Variants in COL4A2 observed in about 807,000 individuals in gnomAD.
COL4A2 encodes the protein collagen type IV alpha 2 chain, also known as collagen alpha-2(IV) chain.
A neutral mutation model predicts 200.2 loss-of-function variants in COL4A2; 99 were observed. That is an observed-to-expected ratio of 0.49 (90% CI 0.42 to 0.58). The LOEUF is 0.58. Among genes scored for constraint, COL4A2 ranks in the 20% least tolerant of loss-of-function variants. The pLI is 0.00. For synonymous variants in COL4A2, 897 were observed against 900.6 expected (o/e 1.00, Z 0.07); for missense variants, 1,950 against 2,314.1 (o/e 0.84, Z 3.23).
In COL4A2 at chr13:110,450,508, G is replaced by A. The variant is rs554346522; in HGVS notation, c.1339+54G>A. The A allele has an allele frequency of 3.3e-5, 52 of 1,589,710 alleles. 1 individual carries two copies. Among genetic ancestry groups the A allele is most frequent in the East Asian group, 2.2e-4 (10 of 44,532 alleles). ...GTAGCCTAATGTTCAGATGAAGCCC[G>A]GTCCCAGCCGGATGTTATTTGGGAT... On this transcript the variant is annotated intron_variant, in intron 20 of 47. Coordinates refer to ENST00000360467, the MANE Select transcript of COL4A2 (RefSeq NM_001846.4).
In COL4A2 at chr13:110,480,253, C is replaced by T. The variant is rs1243627134; in HGVS notation, c.2621C>T (p.Thr874Ile). The T allele has an allele frequency of 6.2e-7, 1 of 1,611,792 alleles. No individual in the cohort carries two copies. Among genetic ancestry groups the T allele is most frequent in the African/African-American group, 1.3e-5 (1 of 74,952 alleles). Residue 874 changes from threonine (T) to isoleucine (I), a missense_variant, in exon 31 of 48, where the codon ACA (threonine) becomes ATA (isoleucine). Around this residue, in one of 2 missense-constraint regions of COL4A2, gnomAD observed 1,385 missense variants for 1,720.5 expected, o/e 0.80. Coordinates refer to ENST00000360467, the MANE Select transcript of COL4A2 (RefSeq NM_001846.4). ...GGTGATAGAGGGGACCCTGGGGACA[C>T]AGGCGCTCCTGGCCCTGTGGGCATG... ...LPGDRGDPGD[T>I]GAPGPVGMKG...
Position 110,440,704 on chromosome 13 carries a change from G to A in COL4A2, c.957+871G>A, listed in dbSNP as rs74667661. 1.5e-3 allele frequency among the ~76,000 whole-genome samples: 229 copies of A among 152,312 alleles called. 2 individuals carry two copies. In the East Asian group the frequency reaches 0.034, roughly 23 times the overall value. ...GTCATACACAATGTTATAGTTCAGT[G>A]GTTGATGCCTTTTCACTGTTCACTG... On this transcript the variant is annotated intron_variant, in intron 16 of 47. Coordinates refer to ENST00000360467, the MANE Select transcript of COL4A2 (RefSeq NM_001846.4).
chr13:110,387,860 G>A (rs1382909748), intron 4 of COL4A2, among the ~76,000 whole-genome samples: 1 of 152,194 alleles, frequency 6.6e-6, no homozygotes, highest in South Asian at 2.1e-4. Context: ...GCTCTGACCT[G>A]CCCTGGCTTG....
chr13:110,409,336 A>G (rs555389645), intron 4 of COL4A2, among the ~76,000 whole-genome samples: 10 of 152,336 alleles, frequency 6.6e-5, no homozygotes, highest in Admixed American at 5.9e-4. Flanking sequence ...GGATATTCCA[A>G]CCGCAAAGAA....
At chr13:110,350,618 T>G (rs1243463141) in intron 3 of COL4A2, among the ~76,000 whole-genome samples, 1 of 152,200 alleles carries the variant, frequency 6.6e-6, no homozygotes, top group African/African-American at 2.4e-5. Context: ...GATGGTTCAG[T>G]GGTTTCCAGC....
intron 4 of COL4A2, among the ~76,000 whole-genome samples, chr13:110,412,450 G>A (rs552132459): frequency 2.0e-5 from 3 of 152,308 alleles, no homozygotes; most frequent in South Asian, 2.1e-4. Flanking sequence ...AGAACTGCAC[G>A]TCACTCCGAA....
At chr13:110,310,853 T>G (rs1422686579) in intron 3 of COL4A2, among the ~76,000 whole-genome samples, 1 of 152,182 alleles carries the variant, frequency 6.6e-6, no homozygotes, top group Admixed American at 6.5e-5. Context: ...AGCACACTGA[T>G]GAGCTAGGTA....
intron 34 of COL4A2, 45 bp from the exon 35 acceptor site, chr13:110,489,400 T>G: frequency 6.3e-7 from 1 of 1,587,124 alleles, no homozygotes; most frequent in Non-Finnish European, 8.7e-7. Context: ...GAGTTACAAC[T>G]GACTTCGCTA....
chr13:110,332,113 G>A (rs1370359199), intron 3 of COL4A2, among the ~76,000 whole-genome samples: 1 of 152,028 alleles, frequency 6.6e-6, no homozygotes, highest in Non-Finnish European at 1.5e-5. Flanking sequence ...AAATAATGAT[G>A]GTTTTACATC....
intron 4 of COL4A2, among the ~76,000 whole-genome samples, chr13:110,375,395 G>A (rs751161253): frequency 1.8e-4 from 28 of 152,170 alleles, no homozygotes; most frequent in African/African-American, 3.6e-4. Context: ...TGGAACTTCC[G>A]CAACAGTCAT....
At chr13:110,434,466 A>G (rs886501857) in intron 12 of COL4A2, 24 bp downstream of exon 12, 45 of 1,610,812 alleles carry the variant, frequency 2.8e-5, no homozygotes, top group Non-Finnish European at 3.6e-5. Flanking sequence ...GGTCAATTCC[A>G]GCAGAGGCAT....
intron 6 of COL4A2, among the ~76,000 whole-genome samples, chr13:110,425,525 A>G (rs1017761058): frequency 1.3e-5 from 2 of 152,228 alleles, no homozygotes; most frequent in African/African-American, 4.8e-5. Flanking sequence ...AAAAAAATAA[A>G]CAAAACAGCC....
At chr13:110,367,126 G>T (rs1594172697) in intron 4 of COL4A2, among the ~76,000 whole-genome samples, 1 of 152,322 alleles carries the variant, frequency 6.6e-6, no homozygotes, top group Middle Eastern at 3.4e-3. Flanking sequence ...TGTAAGCCCT[G>T]TATCGATGGC....
At chr13:110,445,555 TAGAA>T (rs1198923559) in intron 16 of COL4A2, among the ~76,000 whole-genome samples, 2 of 151,980 alleles carry the variant, frequency 1.3e-5, no homozygotes, top group South Asian at 2.1e-4. Context: ...ACTAAAAACA[TAGAA>T]AGGAAGAAGG....
At chr13:110,326,584 C>T (rs1259396816) in intron 3 of COL4A2, among the ~76,000 whole-genome samples, 1 of 152,166 alleles carries the variant, frequency 6.6e-6, no homozygotes, top group African/African-American at 2.4e-5. Flanking sequence ...GTCATTTGAG[C>T]TTTCACTCAC....
At chr13:110,477,481 G>C (rs1387464463) in intron 29 of COL4A2, among the ~76,000 whole-genome samples, 2 of 152,142 alleles carry the variant, frequency 1.3e-5, no homozygotes, top group African/African-American at 4.8e-5. Context: ...TTCTCAGGCA[G>C]TTTCCTAAAG....
chr13:110,414,368 G>T (rs968073300), intron 4 of COL4A2, among the ~76,000 whole-genome samples: 4 of 152,148 alleles, frequency 2.6e-5, no homozygotes, highest in African/African-American at 9.7e-5. Flanking sequence ...TTCTTCCCAG[G>T]CTCCTTCCCT....
intron 4 of COL4A2, among the ~76,000 whole-genome samples, chr13:110,403,737 A>G (rs76088415): frequency 0.015 from 2,239 of 152,164 alleles, 56 homozygotes; most frequent in African/African-American, 0.049. Context: ...TTCTAAAGCT[A>G]ATTTTACATT....
rs1881460021 is a variant in COL4A2, at chr13:110,449,679, G to C, written c.1079G>C (p.Gly360Ala). The C allele has an allele frequency of 1.3e-6, 2 of 1,542,462 alleles. No homozygotes were observed. The highest frequency in any genetic ancestry group is 2.4e-5 in the South Asian group (2 of 83,724). The change falls in exon 19 of 48, where the codon GGT becomes GCT. Residue 360 changes from glycine (G) to alanine (A), a missense_variant and splice_region_variant. Gly to Ala is a moderately conservative substitution (Grantham distance 60). Transcript: ENST00000360467. Reference sequence around the variant, plus strand: ...ACTGTGGGACTTGTTTCCCTTCCAGGTGCCAGAGGTGACCCGGGATTCCCA... The same window carrying C: ...ACTGTGGGACTTGTTTCCCTTCCAGCTGCCAGAGGTGACCCGGGATTCCCA... ...AYSPHPSLAK[G>A]ARGDPGFPGA...
Sources: allele counts gnomAD v4.1 joint callset (sites outside exome capture counted in the v4.1 genomes callset), GRCh38; gene constraint gnomAD v4.1.1; regional missense constraint gnomAD v4.1.1; transcripts MANE v1.5; gene names NCBI Gene and HGNC (gene_info 2026-07-23, HGNC 2026-07-21).